EHMT1: variants seen among roughly 807,000 people sequenced by gnomAD.
The protein encoded by EHMT1 is euchromatic histone lysine methyltransferase 1.
A neutral mutation model predicts 147.2 loss-of-function variants in EHMT1; 15 were observed. The ratio of observed to expected loss-of-function variants is 0.10; its 90% CI spans 0.07 to 0.16. EHMT1 has a LOEUF of 0.16. Ranked by LOEUF, EHMT1 falls within the 10% of genes least tolerant of loss-of-function variation. The pLI, the probability that EHMT1 is intolerant of heterozygous loss-of-function variation, is 1.00. For synonymous variants in EHMT1, 795 were observed against 709.6 expected (o/e 1.12, Z -1.91); for missense variants, 1,587 against 1,772.4 (o/e 0.90, Z 1.88).
At chr9:137,669,639 CTT>C (rs1304031136) in intron 1 of EHMT1, among the ~76,000 whole-genome samples, 1 of 151,698 alleles carries the variant, frequency 6.6e-6, no homozygotes, top group African/African-American at 2.4e-5. Flanking sequence ...CCCACCTTCA[CTT>C]TTTGCTCTCT....
In EHMT1 at chr9:137,816,046, G is replaced by T. The variant is rs564698985; in HGVS notation, c.3358G>T (p.Val1120Leu). ...CTGGAGGAACTGCCGAAATCGCGTCGTACAGAATGGTCTCAGGTGAGAGGC... is the reference window on the plus strand; with the variant it reads ...CTGGAGGAACTGCCGAAATCGCGTCTTACAGAATGGTCTCAGGTGAGAGGC... ...SCWRNCRNRV[V>L]QNGLRARLQL... Residue 1120 changes from valine to leucine, a missense_variant, in exon 23 of 27, where the codon GTA becomes TTA. Physicochemically the swap from Val to Leu is conservative, Grantham distance 32 (BLOSUM62 1). This residue lies in a region of EHMT1 where 156 missense variants were observed against 252.5 expected (regional missense o/e 0.62). Coordinates refer to ENST00000460843, the MANE Select transcript of EHMT1 (RefSeq NM_024757.5). 6.2e-6 allele frequency: 10 copies of T among 1,612,054 alleles called. No individual in the cohort carries two copies. The highest frequency in any genetic ancestry group is 1.7e-5 in the Admixed American group (1 of 59,886).
At chr9:137,810,697 A>AT (rs1052568037) in intron 18 of EHMT1, among the ~76,000 whole-genome samples, 2 of 150,238 alleles carry the variant, frequency 1.3e-5, no homozygotes, top group African/African-American at 5.0e-5. Context: ...TTAAAGTAAA[A>AT]TTTTTTGTTT....
chr9:137,649,017 G>A (rs1338608771), intron 1 of EHMT1, among the ~76,000 whole-genome samples: 2 of 152,216 alleles, frequency 1.3e-5, no homozygotes, highest in East Asian at 1.9e-4. Flanking sequence ...CCTGGTTGTC[G>A]TATCGTGCTT....
At chr9:137,737,368 A>G (rs957006822) in intron 4 of EHMT1, among the ~76,000 whole-genome samples, 5 of 152,224 alleles carry the variant, frequency 3.3e-5, no homozygotes, top group Non-Finnish European at 5.9e-5. Flanking sequence ...TTATATGATC[A>G]GTTGATTTTT....
chr9:137,761,342 A>G (rs1949797746), intron 9 of EHMT1, among the ~76,000 whole-genome samples: 1 of 152,260 alleles, frequency 6.6e-6, no homozygotes, highest in African/African-American at 2.4e-5. Context: ...TTTCAAATCA[A>G]GCAAGGTCAA....
intron 6 of EHMT1, chr9:137,746,357 C>G (rs1273255203): frequency 6.6e-6 from 1 of 152,224 alleles, no homozygotes; most frequent in Non-Finnish European, 1.5e-5. Context: ...TTAAGTGAAC[C>G]TTCCACCTCA....
intron 1 of EHMT1, among the ~76,000 whole-genome samples, chr9:137,662,776 TTTTATTTA>T (rs150295245): frequency 1.4e-4 from 19 of 134,094 alleles, no homozygotes; most frequent in African/African-American, 3.2e-4. Flanking sequence ...CTGGCCTGAA[TTTTATTTA>T]TTTATTTATT....
intron 1 of EHMT1, among the ~76,000 whole-genome samples, chr9:137,692,470 G>T (rs1338524785): frequency 2.6e-5 from 4 of 151,752 alleles, no homozygotes; most frequent in Middle Eastern, 3.4e-3. Flanking sequence ...TCGCTGTGTT[G>T]GCCAGGCCCG....
chr9:137,669,987 A>G (rs72765202), intron 1 of EHMT1, among the ~76,000 whole-genome samples: 463 of 152,190 alleles, frequency 3.0e-3, no homozygotes, highest in Admixed American at 6.9e-3. Flanking sequence ...ACACAGCCTC[A>G]GCTGGGTTTA....
chr9:137,773,534 G>A (rs1419143583), intron 10 of EHMT1, among the ~76,000 whole-genome samples: 2 of 152,258 alleles, frequency 1.3e-5, no homozygotes, highest in Admixed American at 6.5e-5. Flanking sequence ...TCTTCTGCAG[G>A]TAGACAGGTT....
In EHMT1 at chr9:137,717,030, A is replaced by C. The variant is rs1252920104; in HGVS notation, c.490A>C (p.Thr164Pro). Residue 164 changes from threonine (T) to proline (P), a missense_variant, in exon 3 of 27, where the codon ACT becomes CCT. Around this residue, in one of 7 missense-constraint regions of EHMT1, gnomAD observed 810 missense variants for 673.0 expected, o/e 1.20. Transcript: ENST00000460843. ...TCCTGGAGGGGCTGGCAAAGGCAGG[A>C]CTCCAAGCGCTTTTCCCCAGACGCC... ...TLPGGAGKGR[T>P]PSAFPQTPAA... 1 of 1,606,228 alleles carries C rather than the reference A, an allele frequency of 6.2e-7. No homozygotes were observed. Among genetic ancestry groups the C allele is most frequent in the South Asian group, 1.1e-5 (1 of 90,880 alleles).
intron 3 of EHMT1, among the ~76,000 whole-genome samples, chr9:137,719,891 C>A (rs1945764770): frequency 9.1e-6 from 1 of 110,238 alleles, no homozygotes; most frequent in African/African-American, 3.8e-5. Context: ...AGGTGCCGAA[C>A]CCCCTCCACA....
At chr9:137,653,385 C>T (rs1391754129) in intron 1 of EHMT1, among the ~76,000 whole-genome samples, 1 of 152,212 alleles carries the variant, frequency 6.6e-6, no homozygotes, top group Non-Finnish European at 1.5e-5. Context: ...TGTGTGAGTA[C>T]AGTCTGTGAT....
intron 1 of EHMT1, among the ~76,000 whole-genome samples, chr9:137,626,411 T>C (rs1843259887): frequency 6.6e-6 from 1 of 151,676 alleles, no homozygotes; most frequent in Admixed American, 6.6e-5. Flanking sequence ...AAATCCCAGC[T>C]ACTCAGGAGG....
intron 26 of EHMT1, 73 bp from the exon 27 acceptor site, chr9:137,834,700 G>C: frequency 6.2e-7 from 1 of 1,610,620 alleles, no homozygotes; most frequent in Non-Finnish European, 8.5e-7. Context: ...CTTTGGCCTT[G>C]CCTTAATTTA....
At chr9:137,671,867 C>T (rs948512026) in intron 1 of EHMT1, among the ~76,000 whole-genome samples, 3 of 152,176 alleles carry the variant, frequency 2.0e-5, no homozygotes, top group African/African-American at 7.2e-5. Flanking sequence ...ATAAGGACCC[C>T]AACCCTGCAG....
chr9:137,784,151 C>T (rs1455386453), intron 15 of EHMT1: 2 of 1,550,248 alleles, frequency 1.3e-6, no homozygotes, highest in South Asian at 1.2e-5. Context: ...CCTTTGGTGA[C>T]TTATGGTGAG....
chr9:137,709,955 A>G (rs1027889258), intron 1 of EHMT1, among the ~76,000 whole-genome samples: 1 of 152,136 alleles, frequency 6.6e-6, no homozygotes, highest in African/African-American at 2.4e-5. Flanking sequence ...GCAGTCTGGC[A>G]TCTCCAACTG....
At chr9:137,682,743 G>A (rs1942075766) in intron 1 of EHMT1, among the ~76,000 whole-genome samples, 1 of 152,204 alleles carries the variant, frequency 6.6e-6, no homozygotes, top group Non-Finnish European at 1.5e-5. Context: ...ACCCCCTGAG[G>A]ATGACGGCTG....
Sources: gnomAD v4.1 joint callset for allele counts (sites outside exome capture counted in the v4.1 genomes callset) on GRCh38, gnomAD v4.1.1 for gene constraint, gnomAD v4.1.1 regional missense constraint, MANE v1.5 for transcripts, NCBI Gene and HGNC (gene_info 2026-07-23, HGNC 2026-07-21) for gene names.